Variants in HTR1F observed in about 807,000 individuals in gnomAD.
HTR1F encodes the protein 5-hydroxytryptamine (serotonin) receptor 1F, G protein-coupled.
A neutral mutation model predicts 24.0 loss-of-function variants in HTR1F; 17 were observed. The ratio of observed to expected loss-of-function variants is 0.71; its 90% CI spans 0.48 to 1.06. The LOEUF (loss-of-function observed/expected upper bound fraction) is 1.06. Among genes scored for constraint, HTR1F ranks in the 50% least tolerant of loss-of-function variants. HTR1F has a pLI of 0.00. For missense variants in HTR1F, 391 were observed against 427.8 expected (o/e 0.91, Z 0.76); for synonymous variants, 186 against 156.8 (o/e 1.19, Z -1.39).
intron 2 of HTR1F, among the ~76,000 whole-genome samples, chr3:87,945,201 C>T (rs530900871): frequency 9.2e-5 from 14 of 151,954 alleles, no homozygotes; most frequent in East Asian, 1.9e-4. Flanking sequence ...TGGTGGGGAA[C>T]GGGTCCCACA....
chr3:87,945,017 G>GTTGTT (rs147538762), intron 2 of HTR1F, among the ~76,000 whole-genome samples: 12,901 of 151,834 alleles, frequency 0.085, 594 homozygotes, highest in African/African-American at 0.11. Context: ...GGGCACACTG[G>GTTGTT]TTGTTTTGTT....
At chr3:87,951,283 G>T (rs1704827650) in intron 2 of HTR1F, among the ~76,000 whole-genome samples, 1 of 152,058 alleles carries the variant, frequency 6.6e-6, no homozygotes. Flanking sequence ...AAGAACAATA[G>T]TTATATATTA....
rs565925592 is a variant in HTR1F, at chr3:87,832,389, G to A, written c.-43+10265G>A. Among the ~76,000 whole-genome samples, 64 of 147,164 alleles carry A rather than the reference G, an allele frequency of 4.3e-4. 1 individual carries two copies. The highest frequency in any genetic ancestry group is 1.5e-3 in the Admixed American group (21 of 14,446). On this transcript the variant is annotated intron_variant, in intron 2 of 2. Transcript: ENST00000319595. ...GTCGCCCAGGCTGGAGTGCAGTGGCGCGATCTCGGCTCACTGCAACCTCTT... is the reference window on the plus strand; with the variant it reads ...GTCGCCCAGGCTGGAGTGCAGTGGCACGATCTCGGCTCACTGCAACCTCTT...
chr3:87,881,876 A>G (rs1273381741), intron 2 of HTR1F, among the ~76,000 whole-genome samples: 1 of 152,222 alleles, frequency 6.6e-6, no homozygotes, highest in Non-Finnish European at 1.5e-5. Context: ...AATTAAACTA[A>G]AGAGCTTCTG....
chr3:87,821,450 A>G (rs1225638596), intron 1 of HTR1F, among the ~76,000 whole-genome samples: 1 of 152,132 alleles, frequency 6.6e-6, no homozygotes. Context: ...ATCCCACAAA[A>G]CATAGAAAGT....
At chr3:87,922,748 C>T (rs1345004634) in intron 2 of HTR1F, among the ~76,000 whole-genome samples, 2 of 151,530 alleles carry the variant, frequency 1.3e-5, no homozygotes, top group East Asian at 1.9e-4. Flanking sequence ...GTGAATATCC[C>T]GTTTTTCCAG....
chr3:87,877,613 T>TA (rs1218571897), intron 2 of HTR1F, among the ~76,000 whole-genome samples: 1 of 152,182 alleles, frequency 6.6e-6, no homozygotes, highest in South Asian at 2.1e-4. Flanking sequence ...TTATTCCCAT[T>TA]ACCAGTAAAG....
intron 2 of HTR1F, among the ~76,000 whole-genome samples, chr3:87,918,708 G>A (rs1394991146): frequency 6.6e-6 from 1 of 151,950 alleles, no homozygotes; most frequent in Non-Finnish European, 1.5e-5. Flanking sequence ...AAACACTGCT[G>A]AAAGAAATTG....
chr3:87,951,398 C>T (rs2116145), intron 2 of HTR1F, among the ~76,000 whole-genome samples: 40,401 of 151,898 alleles, frequency 0.27, 5,809 homozygotes, highest in African/African-American at 0.38. Flanking sequence ...ATAATAAAAA[C>T]AAGTAAAATA....
At chr3:87,879,728 T>C (rs1284786621) in intron 2 of HTR1F, among the ~76,000 whole-genome samples, 8 of 152,176 alleles carry the variant, frequency 5.3e-5, no homozygotes, top group Non-Finnish European at 4.4e-5. Context: ...ATAAAATGAA[T>C]ATTTCATTTT....
chr3:87,940,961 G>A (rs908585842), intron 2 of HTR1F, among the ~76,000 whole-genome samples: 3 of 152,198 alleles, frequency 2.0e-5, no homozygotes, highest in African/African-American at 7.2e-5. Context: ...GCCACTACCT[G>A]TAAACAATGA....
intron 2 of HTR1F, among the ~76,000 whole-genome samples, chr3:87,864,540 G>A (rs1705382431): frequency 6.6e-6 from 1 of 152,124 alleles, no homozygotes; most frequent in Admixed American, 6.6e-5. Context: ...AAAGACTGTA[G>A]GTATTCTACT....
chr3:87,987,837 T>C (rs1705707976), intron 2 of HTR1F, among the ~76,000 whole-genome samples: 1 of 145,082 alleles, frequency 6.9e-6, no homozygotes, highest in South Asian at 2.1e-4. Context: ...ATAAAATATA[T>C]GTATTATATG....
intron 2 of HTR1F, among the ~76,000 whole-genome samples, chr3:87,932,937 T>G (rs1388805785): frequency 1.3e-5 from 2 of 149,736 alleles, no homozygotes; most frequent in Non-Finnish European, 3.0e-5. Context: ...TGATGAACAT[T>G]GATGCAAAAA....
At chr3:87,921,632 T>C (rs1039548588) in intron 2 of HTR1F, among the ~76,000 whole-genome samples, 11 of 151,908 alleles carry the variant, frequency 7.2e-5, no homozygotes, top group Non-Finnish European at 1.0e-4. Flanking sequence ...TAAGTAATTG[T>C]TAACTATCAT....
intron 2 of HTR1F, among the ~76,000 whole-genome samples, chr3:87,920,673 A>G (rs1703995295): frequency 6.6e-6 from 1 of 152,022 alleles, no homozygotes. Flanking sequence ...GAGCTAAATG[A>G]TTGCACACAT....
intron 2 of HTR1F, among the ~76,000 whole-genome samples, chr3:87,945,818 T>C (rs1352959440): frequency 6.6e-6 from 1 of 152,094 alleles, no homozygotes; most frequent in African/African-American, 2.4e-5. Context: ...CAAATATTAC[T>C]CACGGCTTTA....
chr3:87,805,743 C>T (rs892115261), intron 1 of HTR1F, among the ~76,000 whole-genome samples: 7 of 151,992 alleles, frequency 4.6e-5, no homozygotes, highest in African/African-American at 1.4e-4. Context: ...CAAACCACTA[C>T]GGCACACGTT....
At chr3:87,926,737 A>G (rs1576040231) in intron 2 of HTR1F, among the ~76,000 whole-genome samples, 2 of 152,230 alleles carry the variant, frequency 1.3e-5, no homozygotes, top group East Asian at 1.9e-4. Context: ...TATTGTCACT[A>G]TACTCACTTG....
Sources: allele counts gnomAD v4.1 joint callset (sites outside exome capture counted in the v4.1 genomes callset), GRCh38; gene constraint gnomAD v4.1.1; transcripts MANE v1.5; gene names NCBI Gene and HGNC (gene_info 2026-07-23, HGNC 2026-07-21).